THADA: variants seen among roughly 807,000 people sequenced by gnomAD.
The protein encoded by THADA is tRNA (32-2'-O)-methyltransferase regulator THADA.
A neutral mutation model predicts 219.8 loss-of-function variants in THADA; 213 were observed. The observed-to-expected ratio is 0.97, with a 90% CI of 0.87 to 1.09. The LOEUF is 1.09. Ranked by LOEUF, THADA falls within the 50% of genes least tolerant of loss-of-function variation. The pLI is 0.00. For missense variants in THADA, 2,956 were observed against 2,311.3 expected, an observed-to-expected ratio of 1.28 and a Z score of -5.72; for synonymous variants, 1,018 against 828.9, an observed-to-expected ratio of 1.23 and a Z score of -3.92.
chr2:43,307,790 T>A (rs1677032190), intron 31 of THADA, among the ~76,000 whole-genome samples: 1 of 152,170 alleles, frequency 6.6e-6, no homozygotes, highest in South Asian at 2.1e-4. Flanking sequence ...TTGTCTGGCA[T>A]CTAATAAAAA....
chr2:43,445,759 A>C (rs1681448946), intron 26 of THADA, among the ~76,000 whole-genome samples: 1 of 152,150 alleles, frequency 6.6e-6, no homozygotes, highest in Admixed American at 6.5e-5. Context: ...CTGCAGCCTC[A>C]AACTCCTGGG....
At chr2:43,554,568 G>T (rs1388203747) in intron 17 of THADA, among the ~76,000 whole-genome samples, 3 of 152,082 alleles carry the variant, frequency 2.0e-5, no homozygotes, top group Non-Finnish European at 4.4e-5. Flanking sequence ...AAAAATAATT[G>T]TATTAGTAAT....
chr2:43,558,389 TCAGCTTGATTGGATTGAAGGA>T (rs1192075818), intron 16 of THADA, among the ~76,000 whole-genome samples: 11 of 152,210 alleles, frequency 7.2e-5, no homozygotes, highest in Middle Eastern at 3.2e-3. Flanking sequence ...ATACTGAGTG[TCAGCTTGATTGGATTGAAGGA>T]TGCAAAGTAT....
At chr2:43,328,025 C>A (rs1463019866) in intron 30 of THADA, among the ~76,000 whole-genome samples, 1 of 152,156 alleles carries the variant, frequency 6.6e-6, no homozygotes, top group African/African-American at 2.4e-5. Flanking sequence ...TTAGGAGGTA[C>A]TTCTTTTGAT....
intron 2 of THADA, 117 bp from the exon 3 acceptor site, chr2:43,592,163 T>C: frequency 1.0e-6 from 1 of 1,004,554 alleles, no homozygotes; most frequent in Non-Finnish European, 1.4e-6. Flanking sequence ...TGGAACATAG[T>C]CTGAAGACAG....
At chr2:43,326,101 T>C (rs538557082) in intron 30 of THADA, among the ~76,000 whole-genome samples, 12 of 150,692 alleles carry the variant, frequency 8.0e-5, no homozygotes, top group Non-Finnish European at 1.8e-4. Context: ...GTGTGCACAG[T>C]ATATACACAC....
intron 26 of THADA, among the ~76,000 whole-genome samples, chr2:43,477,999 C>A (rs1439370486): frequency 6.6e-6 from 1 of 152,204 alleles, no homozygotes; most frequent in Non-Finnish European, 1.5e-5. Flanking sequence ...GGAGAATGGC[C>A]TCATCCTCCT....
At position 43,352,600 on chromosome 2, in the gene THADA, C is replaced by G. The variant is rs150357963; in HGVS notation, c.4228-8363G>C. On this transcript the variant is annotated intron_variant, in intron 29 of 37. Transcript: ENST00000405975. The stretch of plus-strand genomic sequence containing the variant: ...AAAAAATGCAGATGATTTGTTCAGT[C>G]AAGACAAAGTTAATTTTTTAAAATA... 2.0e-3 allele frequency among the ~76,000 whole-genome samples: 300 copies of G among 151,492 alleles called. 1 individual carries two copies. Among genetic ancestry groups the G allele is most frequent in the African/African-American group, 7.0e-3 (289 of 41,250 alleles).
At position 43,580,327 on chromosome 2, in the gene THADA, C is replaced by T. The variant is rs540645998; in HGVS notation, c.721+1414G>A. 7.6e-4 allele frequency among the ~76,000 whole-genome samples: 115 copies of T among 152,156 alleles called. 1 individual carries two copies. The highest frequency in any genetic ancestry group is 2.5e-3 in the African/African-American group (104 of 41,520). On this transcript the variant is annotated intron_variant, in intron 8 of 37. Coordinates refer to ENST00000405975, the MANE Select transcript of THADA (RefSeq NM_022065.5). The stretch of plus-strand genomic sequence containing the variant: ...GTGCTGGGATTACAGGCATGAGCCA[C>T]CACACCCGGCCGAAGTTACCTCATA...
intron 29 of THADA, among the ~76,000 whole-genome samples, chr2:43,368,214 A>C (rs1043906286): frequency 1.3e-5 from 2 of 152,234 alleles, no homozygotes; most frequent in African/African-American, 4.8e-5. Flanking sequence ...GATATGGTTA[A>C]GATGTGGATA....
At chr2:43,549,447 A>T in intron 19 of THADA, 79 bp from the exon 20 acceptor site, 1 of 1,405,410 alleles carries the variant, frequency 7.1e-7, no homozygotes, top group Non-Finnish European at 9.5e-7. Flanking sequence ...CTTACTCAAA[A>T]AATCTATAAT....
intron 28 of THADA, among the ~76,000 whole-genome samples, chr2:43,402,247 T>C (rs935278299): frequency 1.3e-5 from 2 of 152,126 alleles, no homozygotes; most frequent in African/African-American, 2.4e-5. Context: ...AGAGGCGATA[T>C]ACAGCCTGCT....
intron 26 of THADA, among the ~76,000 whole-genome samples, chr2:43,456,680 A>C (rs183866543): frequency 4.5e-4 from 69 of 152,258 alleles, no homozygotes; most frequent in African/African-American, 1.5e-3. Context: ...ACAAATCACA[A>C]ATCTAACTTT....
chr2:43,574,583 T>G lies in THADA; in HGVS notation c.1482A>C (p.Ala494=), dbSNP rs912684365. 4 of 1,613,976 alleles carry G rather than the reference T, an allele frequency of 2.5e-6. No individual in the cohort carries two copies. Among genetic ancestry groups the G allele is most frequent in the Admixed American group, 1.7e-5 (1 of 60,026 alleles). ...VMGDQSLVPY[A]SDLLETMFRN... ...TAAACATGGTTTCCAAGAGGTCACTTGCATAAGGTACCAATGACTGGTCTC... is the reference window on the plus strand; with the variant it reads ...TAAACATGGTTTCCAAGAGGTCACTGGCATAAGGTACCAATGACTGGTCTC... The change falls in exon 11 of 38, where the codon GCA becomes GCC. Residue 494 remains alanine, a synonymous_variant. Coordinates refer to ENST00000405975, the MANE Select transcript of THADA (RefSeq NM_022065.5).
intron 36 of THADA, among the ~76,000 whole-genome samples, chr2:43,248,222 G>A (rs1218910003): frequency 6.9e-6 from 1 of 143,914 alleles, no homozygotes; most frequent in Admixed American, 6.9e-5. Context: ...GAGACAGAGA[G>A]AGAGAGAGAC....
At chr2:43,415,506 G>C (rs559292419) in intron 28 of THADA, among the ~76,000 whole-genome samples, 28 of 152,282 alleles carry the variant, frequency 1.8e-4, no homozygotes, top group Admixed American at 1.6e-3. Flanking sequence ...ACTCCACTCA[G>C]ATCTCATAAC....
At chr2:43,391,467 T>C (rs1006731966) in intron 29 of THADA, among the ~76,000 whole-genome samples, 1 of 152,216 alleles carries the variant, frequency 6.6e-6, no homozygotes, top group African/African-American at 2.4e-5. Context: ...AATAAAAGCT[T>C]TTGGATGTTT....
chr2:43,545,694 G>C (rs1443860705), intron 20 of THADA, among the ~76,000 whole-genome samples: 3 of 151,878 alleles, frequency 2.0e-5, no homozygotes, highest in Non-Finnish European at 4.4e-5. Context: ...ATGGTAGTTT[G>C]TATTTCTGTG....
chr2:43,344,095 C>T (rs1182472297), intron 30 of THADA, 27 bp downstream of exon 30: 2 of 1,519,814 alleles, frequency 1.3e-6, no homozygotes, highest in Non-Finnish European at 1.8e-6. Context: ...CCTGATAACT[C>T]CTTGCTCATG....
Sources: allele counts gnomAD v4.1 joint callset (sites outside exome capture counted in the v4.1 genomes callset), GRCh38; gene constraint gnomAD v4.1.1; transcripts MANE v1.5; gene names NCBI Gene and HGNC (gene_info 2026-07-23, HGNC 2026-07-21).